Variants in OR6K3 observed in about 807,000 individuals in gnomAD.
OR6K3 encodes the protein olfactory receptor 6K3.
For synonymous variants in OR6K3, 169 were observed against 137.7 expected (o/e 1.23, Z -1.59); for missense variants, 396 against 382.5 (o/e 1.04, Z -0.29).
chr1:158,721,164 G>A (rs1382182425), upstream of OR6K3, among the ~76,000 whole-genome samples: 4 of 151,954 alleles, frequency 2.6e-5, no homozygotes, highest in Admixed American at 2.0e-4. Flanking sequence ...CAGAAAATAA[G>A]GCCATTTCAT....
upstream of OR6K3, among the ~76,000 whole-genome samples, chr1:158,723,220 C>CCTGT (rs1558016678): frequency 2.3e-5 from 2 of 88,642 alleles, no homozygotes; most frequent in Admixed American, 1.2e-4. Flanking sequence ...ATTTCTATTA[C>CCTGT]CTATCTGTCT....
chr1:158,719,879 A>G (rs1450148515), intron 1 of OR6K3, among the ~76,000 whole-genome samples: 2 of 152,056 alleles, frequency 1.3e-5, no homozygotes, highest in African/African-American at 2.4e-5. Context: ...CACATTGTAT[A>G]TATTTTTCAC....
intron 1 of OR6K3, 36 bp from the exon 2 acceptor site, chr1:158,718,168 G>A: frequency 9.2e-7 from 1 of 1,085,632 alleles, no homozygotes; most frequent in Non-Finnish European, 1.4e-6. Context: ...GCACATGAGA[G>A]GGTAGAGAAA....
chr1:158,720,153 T>C (rs1656254545), intron 1 of OR6K3, among the ~76,000 whole-genome samples: 1 of 152,108 alleles, frequency 6.6e-6, no homozygotes, highest in African/African-American at 2.4e-5. Flanking sequence ...AATGCCATTA[T>C]GCTTTATTGA....
upstream of OR6K3, among the ~76,000 whole-genome samples, chr1:158,721,045 G>T (rs1377786641): frequency 6.6e-6 from 1 of 151,952 alleles, no homozygotes; most frequent in Admixed American, 6.6e-5. Context: ...AGTGTACTAT[G>T]CAAAGGGTAG....
At chr1:158,720,190 T>C (rs1206955739) in intron 1 of OR6K3, among the ~76,000 whole-genome samples, 1 of 152,044 alleles carries the variant, frequency 6.6e-6, no homozygotes, top group Non-Finnish European at 1.5e-5. Flanking sequence ...CATCATCAAC[T>C]TACTTGTTTT....
Position 158,717,283 on chromosome 1 carries a change from G to T in OR6K3, c.833C>A (p.Thr278Asn), listed in dbSNP as rs747598192. Residue 278 changes from threonine (T) to asparagine (N), a missense_variant, in exon 2 of 2, where the codon ACT becomes AAT. Coordinates refer to ENST00000368145, the MANE Select transcript of OR6K3 (RefSeq NM_001005327.3). ...VLDTAIALMF[T>N]VLAPFFNPII... Reference sequence around the variant, plus strand: ...GGGATTGAAGAATGGAGCAAGTACAGTAAACATCAGTGCAATGGCTGTGTC... The same window carrying T: ...GGGATTGAAGAATGGAGCAAGTACATTAAACATCAGTGCAATGGCTGTGTC... 10 of 1,613,684 alleles carry T rather than the reference G, an allele frequency of 6.2e-6. No individual in the cohort carries two copies. Among genetic ancestry groups the T allele is most frequent in the Non-Finnish European group, 7.6e-6 (9 of 1,179,702 alleles).
upstream of OR6K3, among the ~76,000 whole-genome samples, chr1:158,721,421 CT>C (rs1656280059): frequency 1.3e-5 from 2 of 152,036 alleles, no homozygotes; most frequent in South Asian, 4.1e-4. Flanking sequence ...AAGTTAATTA[CT>C]TTTATCATGT....
At chr1:158,721,797 T>C (rs1656288335), upstream of OR6K3, among the ~76,000 whole-genome samples, 1 of 151,972 alleles carries the variant, frequency 6.6e-6, no homozygotes, top group Non-Finnish European at 1.5e-5. Flanking sequence ...TATTTGGCTC[T>C]TCATGTGGCT....
chr1:158,718,635 C>A (rs562156813), intron 1 of OR6K3, among the ~76,000 whole-genome samples: 2 of 150,432 alleles, frequency 1.3e-5, no homozygotes, highest in Admixed American at 1.3e-4. Flanking sequence ...TACGAATAAA[C>A]ATAACAGAAG....
At chr1:158,719,326 T>C (rs1478214877) in intron 1 of OR6K3, among the ~76,000 whole-genome samples, 1 of 152,070 alleles carries the variant, frequency 6.6e-6, no homozygotes, top group African/African-American at 2.4e-5. Flanking sequence ...CTTATAGTTT[T>C]ATACACTCCC....
chr1:158,718,676 G>A (rs940177744), intron 1 of OR6K3, among the ~76,000 whole-genome samples: 3 of 151,872 alleles, frequency 2.0e-5, no homozygotes, highest in African/African-American at 7.3e-5. Context: ...ACCCGACTGG[G>A]CCATTGTGCA....
chr1:158,721,905 T>C (rs577253008), upstream of OR6K3, among the ~76,000 whole-genome samples: 1 of 152,118 alleles, frequency 6.6e-6, no homozygotes, highest in East Asian at 1.9e-4. Context: ...CCATTGTATA[T>C]TAAATTTTGT....
At chr1:158,719,740 G>A (rs1656247271) in intron 1 of OR6K3, among the ~76,000 whole-genome samples, 1 of 151,978 alleles carries the variant, frequency 6.6e-6, no homozygotes, top group Admixed American at 6.6e-5. Flanking sequence ...TATCTCATTT[G>A]TAAAACTGAG....
At chr1:158,718,680 T>C (rs1314888846) in intron 1 of OR6K3, among the ~76,000 whole-genome samples, 2 of 152,000 alleles carry the variant, frequency 1.3e-5, no homozygotes, top group Non-Finnish European at 2.9e-5. Flanking sequence ...GACTGGGCCA[T>C]TGTGCACATG....
chr1:158,723,426 G>A (rs144962099), upstream of OR6K3, among the ~76,000 whole-genome samples: 1,304 of 152,004 alleles, frequency 8.6e-3, 15 homozygotes, highest in African/African-American at 0.03. Context: ...GTATTCCTAA[G>A]CATGAGTTTT....
chr1:158,722,222 G>A (rs1656295516), upstream of OR6K3, among the ~76,000 whole-genome samples: 1 of 151,944 alleles, frequency 6.6e-6, no homozygotes, highest in Admixed American at 6.6e-5. Flanking sequence ...GAGAGAAGGA[G>A]AGAATATATT....
chr1:158,720,651 G>A (rs1656263785), intron 1 of OR6K3, 32 bp downstream of exon 1: 1 of 151,620 alleles, frequency 6.6e-6, no homozygotes, highest in African/African-American at 2.4e-5. Context: ...GAATGAATTC[G>A]GTCTCTTTAT....
At chr1:158,723,023 C>A (rs183056432), upstream of OR6K3, among the ~76,000 whole-genome samples, 1 of 151,942 alleles carries the variant, frequency 6.6e-6, no homozygotes, top group African/African-American at 2.4e-5. Flanking sequence ...AACAGTTCAT[C>A]TAGTCCTGAC....
Sources: allele counts gnomAD v4.1 joint callset (sites outside exome capture counted in the v4.1 genomes callset), GRCh38; gene constraint gnomAD v4.1.1; transcripts MANE v1.5; gene names NCBI Gene and HGNC (gene_info 2026-07-23, HGNC 2026-07-21).